CAVIN2: variants seen among roughly 807,000 people sequenced by gnomAD.
The protein encoded by CAVIN2 is caveolae associated protein 2.
Under a neutral mutation model 11.7 loss-of-function variants are expected in CAVIN2, and 13 were observed. The ratio of observed to expected loss-of-function variants is 1.11; its 90% confidence interval spans 0.72 to 1.77. The LOEUF is 1.77. Among genes scored for constraint, CAVIN2 ranks in the 40% most tolerant of loss-of-function variants. The probability of loss-of-function intolerance (pLI) is 0.00; values close to 1 mark genes in which losing one functional copy is unlikely to be tolerated. For missense variants in CAVIN2, 549 were observed against 542.9 expected (o/e 1.01, Z -0.11); for synonymous variants, 237 against 223.2 (o/e 1.06, Z -0.55).
At chr2:191,846,363 G>A in intron 1 of CAVIN2, 80 bp downstream of exon 1, 1 of 1,450,774 alleles carries the variant, frequency 6.9e-7, no homozygotes, top group Non-Finnish European at 9.2e-7. Context: ...TGTAAAAATG[G>A]CTGTGAGAGC....
At chr2:191,836,971 G>A (rs1690031591) in intron 1 of CAVIN2, among the ~76,000 whole-genome samples, 1 of 152,232 alleles carries the variant, frequency 6.6e-6, no homozygotes, top group Admixed American at 6.5e-5. Flanking sequence ...GTGACAGGCA[G>A]AGGGGAAGTG....
intron 1 of CAVIN2, among the ~76,000 whole-genome samples, chr2:191,836,919 C>A (rs1690031045): frequency 6.6e-6 from 1 of 152,180 alleles, no homozygotes; most frequent in Non-Finnish European, 1.5e-5. Flanking sequence ...CAAGGGCAGC[C>A]TGTTGGGAAT....
In CAVIN2 at chr2:191,836,291, C is replaced by G; in HGVS notation, c.910G>C (p.Glu304Gln). 1 of 1,614,154 alleles carries G rather than the reference C, an allele frequency of 6.2e-7. No homozygotes were observed. The stretch of plus-strand genomic sequence containing the variant: ...TCATTTTCTGCATGGCTTTCTCCCT[C>G]TCGGACTTTCTTCCGCCCGAAAGTG... Reference protein sequence around the residue: ...PLTFGRKKVREGESHAENETK... With the variant: ...PLTFGRKKVRQGESHAENETK... The change falls in exon 2 of 2, where the codon GAG becomes CAG. Residue 304 changes from glutamate to glutamine, a missense_variant. By Grantham distance (29) the Glu-to-Gln change is conservative. Coordinates refer to ENST00000304141, the MANE Select transcript of CAVIN2 (RefSeq NM_004657.6).
rs185366613 is a variant in CAVIN2 at position 191,842,370 on chromosome 2, A to G, written c.483+4073T>C. Among the ~76,000 whole-genome samples, 526 of 152,354 alleles carry G rather than the reference A, an allele frequency of 3.5e-3. 14 individuals are homozygous for G. The highest frequency in any genetic ancestry group is 6.0e-4 in the Non-Finnish European group (41 of 68,038). On this transcript the variant is annotated intron_variant, in intron 1 of 1. Coordinates refer to ENST00000304141, the MANE Select transcript of CAVIN2 (RefSeq NM_004657.6). Reference sequence around the variant, plus strand: ...ACTGCTTTTTCAAATAATCATTACTAGAACCTAAGAGGACGTAAGAGGCTA... The same window carrying G: ...ACTGCTTTTTCAAATAATCATTACTGGAACCTAAGAGGACGTAAGAGGCTA...
In CAVIN2 at chr2:191,836,667, A is replaced by G. The variant is rs10167187; in HGVS notation, c.534T>C (p.Gly178=). 929,714 of 1,613,168 alleles carry G rather than the reference A, an allele frequency of 0.58. 271,096 individuals are homozygous for G. Among genetic ancestry groups the G allele is most frequent in the East Asian group, 0.78 (34,816 of 44,850 alleles). ...GAAGCTCCTCCTTCCCTTCCACGGC[A>G]CCGGAAACGGGCTGTTTCACAAACA... ...ASVFVKQPVS[G]AVEGKEELPD... is the part of the protein sequence containing the mutation. Residue 178 remains glycine, a synonymous_variant, in exon 2 of 2, where the codon GGT becomes GGC. Transcript: ENST00000304141.
rs371288935 is a variant in CAVIN2, at chr2:191,836,619, C to T, written c.582G>A (p.Glu194=). The T allele has an allele frequency of 4.3e-6, 7 of 1,614,042 alleles. No homozygotes were observed. In the African/African-American group the frequency reaches 9.3e-5, roughly 22 times the overall value. ...EELPDENKSL[E]ETLHTVDLSS... Reference sequence around the variant, plus strand: ...AGAGGTCCACGGTGTGCAGGGTTTCCTCCAGGGATTTGTTTTCATCCGGAA... The same window carrying T: ...AGAGGTCCACGGTGTGCAGGGTTTCTTCCAGGGATTTGTTTTCATCCGGAA... The change falls in exon 2 of 2, where the codon GAG becomes GAA. Residue 194 remains glutamate, a synonymous_variant. Coordinates refer to ENST00000304141, the MANE Select transcript of CAVIN2 (RefSeq NM_004657.6).
chr2:191,835,107 A>C lies in CAVIN2; in HGVS notation c.*816T>G, dbSNP rs1383101690. 3.3e-5 allele frequency: 5 copies of C among 152,112 alleles called. No homozygotes were observed. Among genetic ancestry groups the C allele is most frequent in the Non-Finnish European group, 7.4e-5 (5 of 67,976 alleles). 9.4% of individuals were successfully genotyped at this position (152,112 alleles called of 1,614,324 possible). A position where few individuals can be genotyped will look rare whatever the true frequency, so the allele number is the denominator to read the frequency against. On this transcript the variant is annotated 3_prime_UTR_variant, in exon 2 of 2. Coordinates refer to ENST00000304141, the MANE Select transcript of CAVIN2 (RefSeq NM_004657.6). ...ATATTAGAAAATAAAAATATTTTGA[A>C]GATGACATGTTATTCCAGGATATAC...
chr2:191,844,542 A>G (rs1690138170), intron 1 of CAVIN2, among the ~76,000 whole-genome samples: 1 of 152,038 alleles, frequency 6.6e-6, no homozygotes, highest in African/African-American at 2.4e-5. Flanking sequence ...GTCCGAGCAC[A>G]TTTCTGTGGA....
intron 1 of CAVIN2, among the ~76,000 whole-genome samples, chr2:191,846,146 C>A (rs1353298909): frequency 1.3e-5 from 2 of 152,352 alleles, no homozygotes; most frequent in Non-Finnish European, 1.5e-5. Context: ...GGTGCACGCA[C>A]CTGCACATCT....
chr2:191,841,566 A>G (rs1690093330), intron 1 of CAVIN2, among the ~76,000 whole-genome samples: 1 of 152,198 alleles, frequency 6.6e-6, no homozygotes, highest in Admixed American at 6.5e-5. Context: ...TGATGTTAAC[A>G]TAAACCCCAC....
At chr2:191,842,878 T>A (rs955349347) in intron 1 of CAVIN2, among the ~76,000 whole-genome samples, 5 of 152,288 alleles carry the variant, frequency 3.3e-5, no homozygotes, top group African/African-American at 1.2e-4. Context: ...AGGACAAAGT[T>A]TGGAATTTAA....
chr2:191,835,397 CAACT>C lies in CAVIN2; in HGVS notation c.*522_*525del, dbSNP rs1160272368. ...CAATGGTTTCTAGCAAGTAAACAAC[CAACT>C]GATCATCTCTTTTTACCTTTCGTAG... is the stretch of plus-strand genomic sequence containing the variant. On this transcript the variant is annotated 3_prime_UTR_variant, in exon 2 of 2. Transcript: ENST00000304141. 1 of 152,364 alleles carries C rather than the reference CAACT, an allele frequency of 6.6e-6. No individual in the cohort carries two copies. The highest frequency in any genetic ancestry group is 2.4e-5 in the African/African-American group (1 of 41,436). 9.4% of individuals were successfully genotyped at this position (152,364 alleles called of 1,614,324 possible).
chr2:191,846,170 A>T (rs560897155), intron 1 of CAVIN2, among the ~76,000 whole-genome samples: 1 of 152,336 alleles, frequency 6.6e-6, no homozygotes, highest in African/African-American at 2.4e-5. Context: ...CAACCTGTAC[A>T]GAGTGCATCC....
intron 1 of CAVIN2, among the ~76,000 whole-genome samples, chr2:191,841,950 C>G (rs1253203318): frequency 1.3e-5 from 2 of 152,192 alleles, no homozygotes; most frequent in African/African-American, 4.8e-5. Flanking sequence ...AGTAACACAT[C>G]AAAACTAATA....
rs758459140 is a variant in CAVIN2 at position 191,846,922 on chromosome 2, C to T, written c.4G>A (p.Gly2Arg). M[G>R]EDAAQAEKFQ... ...TTTTCGGCCTGTGCAGCGTCCTCTC[C>T]CATGGCTAGGCAGGTGGGAACGTTC... The change falls in exon 1 of 2, where the codon GGA (glycine) becomes AGA (arginine). Residue 2 changes from glycine (G) to arginine (R), a missense_variant. Physicochemically the swap from Gly to Arg is moderately radical, Grantham distance 125. Coordinates refer to ENST00000304141, the MANE Select transcript of CAVIN2 (RefSeq NM_004657.6). 1.2e-6 allele frequency: 2 copies of T among 1,602,736 alleles called. No homozygotes were observed. The highest frequency in any genetic ancestry group is 1.3e-5 in the African/African-American group (1 of 74,514).
chr2:191,846,116 A>G (rs879589150), intron 1 of CAVIN2, among the ~76,000 whole-genome samples: 2 of 152,242 alleles, frequency 1.3e-5, no homozygotes, highest in Admixed American at 6.5e-5. Context: ...TAATGCAAAG[A>G]GACAAATGAA....
chr2:191,842,284 G>A (rs573795315), intron 1 of CAVIN2, among the ~76,000 whole-genome samples: 5 of 152,276 alleles, frequency 3.3e-5, no homozygotes, highest in East Asian at 1.9e-4. Flanking sequence ...TTATGTGGAC[G>A]AAAGTGTAAG....
At chr2:191,843,324 A>G (rs528662698) in intron 1 of CAVIN2, among the ~76,000 whole-genome samples, 45 of 152,374 alleles carry the variant, frequency 3.0e-4, no homozygotes, top group Admixed American at 5.2e-4. Context: ...TGCTCAGGTC[A>G]TGGGATAGAT....
At chr2:191,844,947 C>T (rs1311129891) in intron 1 of CAVIN2, among the ~76,000 whole-genome samples, 1 of 152,088 alleles carries the variant, frequency 6.6e-6, no homozygotes, top group African/African-American at 2.4e-5. Context: ...GGAAAATTTC[C>T]TTTGGTGTCT....
Sources: allele counts gnomAD v4.1 joint callset (sites outside exome capture counted in the v4.1 genomes callset), GRCh38; gene constraint gnomAD v4.1.1; transcripts MANE v1.5; gene names NCBI Gene and HGNC (gene_info 2026-07-23, HGNC 2026-07-21).